Variants in FHIT observed in about 807,000 individuals in gnomAD.
The protein encoded by FHIT is bis(5'-adenosyl)-triphosphatase.
Under a neutral mutation model 17.9 loss-of-function variants are expected in FHIT, and 19 were observed. The observed-to-expected ratio is 1.06, with a 90% CI of 0.74 to 1.56. FHIT has a LOEUF of 1.56. FHIT is among the 40% of genes most tolerant of loss of function. The pLI is 0.00. For synonymous variants in FHIT, 81 were observed against 69.7 expected (o/e 1.16, Z -0.81); for missense variants, 248 against 189.2 (o/e 1.31, Z -1.82).
chr3:59,787,818 GT>G (rs1468930353), intron 8 of FHIT, among the ~76,000 whole-genome samples: 3 of 152,226 alleles, frequency 2.0e-5, no homozygotes, highest in African/African-American at 7.2e-5. Flanking sequence ...ACTCGGTTCA[GT>G]TGGGATTCAA....
At chr3:60,243,724 T>G (rs75474177) in intron 5 of FHIT, among the ~76,000 whole-genome samples, 4,342 of 152,222 alleles carry the variant, frequency 0.029, 200 homozygotes, top group African/African-American at 0.095. Flanking sequence ...AGATATAATC[T>G]GTACGACAGT....
intron 8 of FHIT, among the ~76,000 whole-genome samples, chr3:59,780,019 T>C (rs557628239): frequency 8.5e-5 from 13 of 152,308 alleles, no homozygotes; most frequent in Admixed American, 5.2e-4. Flanking sequence ...GCCTGCCTCA[T>C]AGTAGTTCCA....
intron 4 of FHIT, among the ~76,000 whole-genome samples, chr3:60,703,543 G>C (rs2041297572): frequency 6.6e-6 from 1 of 152,156 alleles, no homozygotes; most frequent in East Asian, 1.9e-4. Flanking sequence ...TTCATAAGCA[G>C]ATAGATACAA....
At chr3:59,834,034 T>C (rs113935943) in intron 8 of FHIT, among the ~76,000 whole-genome samples, 8,245 of 152,282 alleles carry the variant, frequency 0.054, 276 homozygotes, top group Non-Finnish European at 0.076. Context: ...CAGTCTCACA[T>C]AATTCTTTAT....
intron 5 of FHIT, among the ~76,000 whole-genome samples, chr3:60,515,018 T>C: frequency 6.6e-6 from 1 of 151,564 alleles, no homozygotes; most frequent in East Asian, 1.9e-4. Context: ...CCGCATTCCC[T>C]GGAGGGACAG....
intron 5 of FHIT, among the ~76,000 whole-genome samples, chr3:60,502,343 G>C (rs1039158246): frequency 2.6e-5 from 4 of 152,174 alleles, no homozygotes; most frequent in African/African-American, 9.7e-5. Flanking sequence ...AACTGAACCA[G>C]TAAGAAGCCC....
At chr3:60,202,053 G>C (rs1702938273) in intron 5 of FHIT, among the ~76,000 whole-genome samples, 1 of 152,160 alleles carries the variant, frequency 6.6e-6, no homozygotes, top group South Asian at 2.1e-4. Flanking sequence ...AAATTCTGTA[G>C]ACTGTTTTGA....
intron 7 of FHIT, among the ~76,000 whole-genome samples, chr3:59,944,601 C>T (rs1031560434): frequency 3.9e-5 from 6 of 151,970 alleles, no homozygotes; most frequent in African/African-American, 7.2e-5. Flanking sequence ...ACAGGGGTTT[C>T]GTATAAATAT....
At chr3:59,947,138 G>A (rs1706848962) in intron 7 of FHIT, among the ~76,000 whole-genome samples, 1 of 152,142 alleles carries the variant, frequency 6.6e-6, no homozygotes, top group African/African-American at 2.4e-5. Flanking sequence ...AATCTGTCTG[G>A]TCCGTGGCTT....
chr3:61,211,489 C>G (rs1303867409), intron 1 of FHIT, among the ~76,000 whole-genome samples: 1 of 152,230 alleles, frequency 6.6e-6, no homozygotes, highest in Non-Finnish European at 1.5e-5. Context: ...CTTAGGTAAA[C>G]AAAGCTGCCA....
chr3:60,871,983 A>G (rs1211353281), intron 3 of FHIT, among the ~76,000 whole-genome samples: 1 of 152,052 alleles, frequency 6.6e-6, no homozygotes, highest in Admixed American at 6.6e-5. Context: ...TTTTAAAAGG[A>G]ATATACTGAG....
At chr3:60,069,840 C>T (rs1000815044) in intron 5 of FHIT, among the ~76,000 whole-genome samples, 3 of 152,180 alleles carry the variant, frequency 2.0e-5, no homozygotes, top group African/African-American at 7.2e-5. Context: ...CACTTTCACA[C>T]ATCTACGGTG....
intron 5 of FHIT, among the ~76,000 whole-genome samples, chr3:60,319,743 G>A (rs552410859): frequency 2.6e-5 from 4 of 152,262 alleles, no homozygotes; most frequent in South Asian, 2.1e-4. Context: ...GACACTGAGG[G>A]GGGCTGTTTC....
intron 5 of FHIT, among the ~76,000 whole-genome samples, chr3:60,222,912 G>A (rs1213802007): frequency 6.6e-6 from 1 of 152,062 alleles, no homozygotes; most frequent in Non-Finnish European, 1.5e-5. Flanking sequence ...AAAACAAAAA[G>A]TAATGGCAAA....
chr3:60,960,145 T>C (rs1312463482), intron 3 of FHIT, among the ~76,000 whole-genome samples: 4 of 151,832 alleles, frequency 2.6e-5, no homozygotes, highest in Non-Finnish European at 4.4e-5. Flanking sequence ...ATAAAGAGAG[T>C]TGTGTTTCAA....
intron 3 of FHIT, among the ~76,000 whole-genome samples, chr3:60,973,740 C>A (rs1284525343): frequency 6.6e-6 from 1 of 152,194 alleles, no homozygotes; most frequent in Non-Finnish European, 1.5e-5. Context: ...TATTGACCTT[C>A]ACTAGGCAAT....
intron 4 of FHIT, among the ~76,000 whole-genome samples, chr3:60,641,924 T>G (rs998285577): frequency 6.6e-5 from 10 of 151,742 alleles, no homozygotes; most frequent in Non-Finnish European, 1.2e-4. Context: ...TTTAGTATCC[T>G]GGGCCTAAAA....
At chr3:59,832,669 A>C (rs1049857276) in intron 8 of FHIT, among the ~76,000 whole-genome samples, 1 of 152,166 alleles carries the variant, frequency 6.6e-6, no homozygotes. Context: ...CCAACCACAG[A>C]CTCATAAATG....
intron 4 of FHIT, among the ~76,000 whole-genome samples, chr3:60,807,774 A>T (rs1701447500): frequency 6.6e-6 from 1 of 152,144 alleles, no homozygotes; most frequent in Non-Finnish European, 1.5e-5. Flanking sequence ...TGGAGCTTAC[A>T]TTCTAGAGGA....
Sources: allele counts gnomAD v4.1 joint callset (sites outside exome capture counted in the v4.1 genomes callset), GRCh38; gene constraint gnomAD v4.1.1; transcripts MANE v1.5; gene names NCBI Gene and HGNC (gene_info 2026-07-23, HGNC 2026-07-21).